The following NFATC2 variants were observed in gnomAD, a reference collection of about 807,000 sequenced individuals.
NFATC2 encodes nuclear factor of activated T-cells, cytoplasmic 2.
Under a neutral mutation model 87.3 loss-of-function variants are expected in NFATC2, and 22 were observed. The observed-to-expected ratio is 0.25, with a 90% CI of 0.18 to 0.36. NFATC2 has a LOEUF of 0.36. NFATC2 is among the 10% of genes least tolerant of loss of function. The probability of loss-of-function intolerance (pLI) is 1.00; values close to 1 mark genes in which losing one functional copy is unlikely to be tolerated. For synonymous variants in NFATC2, 565 were observed against 542.2 expected (o/e 1.04, Z -0.58); for missense variants, 1,149 against 1,259.1 (o/e 0.91, Z 1.32).
chr20:51,497,289 T>C (rs1480877255), intron 3 of NFATC2, among the ~76,000 whole-genome samples: 1 of 152,172 alleles, frequency 6.6e-6, no homozygotes, highest in African/African-American at 2.4e-5. Context: ...GGGCCAATCA[T>C]TCTTCTCCCT....
At chr20:51,500,458 A>T (rs148981637) in intron 3 of NFATC2, among the ~76,000 whole-genome samples, 2 of 152,102 alleles carry the variant, frequency 1.3e-5, no homozygotes, top group East Asian at 3.9e-4. Context: ...TACTTGGGTG[A>T]TACCTATTAC....
rs571362078 is a variant in NFATC2, at chr20:51,523,803, G to T, written c.438C>A (p.Ala146=). 1 of 1,608,996 alleles carries T rather than the reference G, an allele frequency of 6.2e-7. No individual in the cohort carries two copies. Among genetic ancestry groups the T allele is most frequent in the Non-Finnish European group, 8.5e-7 (1 of 1,177,660 alleles). Residue 146 remains alanine (A), a synonymous_variant, in exon 2 of 11, where the codon GCC becomes GCA. Coordinates refer to ENST00000371564, the MANE Select transcript of NFATC2 (RefSeq NM_012340.5). This position sits in a 1 kb window ranked among gnomAD's most constrained non-coding sequence, Gnocchi z 6.9. ...CGGGCAGGGTGAACCTCGGGCTGGC[G>T]GCCACCCCGGCCAGGGGCGGCTGCT... ...LVEQPPLAGV[A]ASPRFTLPVP...
chr20:51,550,667 G>T (rs969240112), intron 1 of NFATC2, among the ~76,000 whole-genome samples: 1 of 152,078 alleles, frequency 6.6e-6, no homozygotes, highest in Non-Finnish European at 1.5e-5. Context: ...CCATAGCTTA[G>T]TCTAGCCTAC....
At chr20:51,421,461 T>C (rs998321792) in intron 9 of NFATC2, among the ~76,000 whole-genome samples, 17 of 152,148 alleles carry the variant, frequency 1.1e-4, no homozygotes, top group African/African-American at 4.1e-4. Flanking sequence ...GAACCCTGAA[T>C]GAGTGAAATC....
chr20:51,415,410 C>T (rs139283152), intron 9 of NFATC2, among the ~76,000 whole-genome samples: 49 of 152,304 alleles, frequency 3.2e-4, no homozygotes, highest in African/African-American at 1.1e-3. Flanking sequence ...ACACACCACA[C>T]GCAGCAGGTA....
upstream of NFATC2, among the ~76,000 whole-genome samples, chr20:51,547,432 A>G (rs1423297331): frequency 6.6e-6 from 1 of 152,102 alleles, no homozygotes; most frequent in East Asian, 1.9e-4. Flanking sequence ...GCCTTCAAGA[A>G]GCTCCTCCTA....
chr20:51,556,304 G>GC (rs1568761471), intron 1 of NFATC2, among the ~76,000 whole-genome samples: 1 of 152,264 alleles, frequency 6.6e-6, no homozygotes, highest in East Asian at 1.9e-4. Context: ...GTGGTCATTT[G>GC]TTATAGCAGC....
intron 1 of NFATC2, among the ~76,000 whole-genome samples, chr20:51,554,350 C>T (rs538064415): frequency 6.6e-6 from 1 of 152,294 alleles, no homozygotes; most frequent in African/African-American, 2.4e-5. Flanking sequence ...ACCACCTCAC[C>T]AGGAGCTCTG....
rs1387051905 is a variant in NFATC2, at chr20:51,450,745, T to TGGCAGGCACAGGGCTGCC, written c.1849+3785_1849+3802dup. Reference sequence around the variant, plus strand: ...CTTAGATGAGACCACACACGGAAAGTGGCAGGCACAGGGCTGCCTGCAGAC... The same window carrying TGGCAGGCACAGGGCTGCC: ...CTTAGATGAGACCACACACGGAAAGTGGCAGGCACAGGGCTGCCGGCAGGCACAGGGCTGCCTGCAGAC... On this transcript the variant is annotated intron_variant, in intron 6 of 10. Coordinates refer to ENST00000371564, the MANE Select transcript of NFATC2 (RefSeq NM_012340.5). 3.3e-5 allele frequency among the ~76,000 whole-genome samples: 5 copies of TGGCAGGCACAGGGCTGCC among 152,306 alleles called. No homozygotes were observed. In the East Asian group the frequency reaches 9.6e-4, roughly 29 times the overall value.
intron 9 of NFATC2, 96 bp downstream of exon 9, chr20:51,431,971 A>G: frequency 7.7e-7 from 1 of 1,302,772 alleles, no homozygotes; most frequent in Admixed American, 2.4e-5. Context: ...AGGCCCAAAG[A>G]GATTACGGAA....
At chr20:51,396,303 G>A (rs1459114847) in intron 10 of NFATC2, among the ~76,000 whole-genome samples, 1 of 151,948 alleles carries the variant, frequency 6.6e-6, no homozygotes. Context: ...AGAGCTCAGA[G>A]GTTCCCAAAC....
intron 1 of NFATC2, among the ~76,000 whole-genome samples, chr20:51,530,693 C>T (rs1297420855): frequency 2.6e-5 from 4 of 152,146 alleles, no homozygotes; most frequent in East Asian, 1.9e-4. Context: ...CTCCATGTCA[C>T]GCACATGCTG....
At chr20:51,497,596 A>G (rs2146610530) in intron 3 of NFATC2, among the ~76,000 whole-genome samples, 1 of 152,262 alleles carries the variant, frequency 6.6e-6, no homozygotes, top group East Asian at 1.9e-4. Flanking sequence ...CCCCCATGAT[A>G]GACGTTCGCC....
At chr20:51,559,234 C>T (rs1205611378) in intron 1 of NFATC2, among the ~76,000 whole-genome samples, 1 of 152,206 alleles carries the variant, frequency 6.6e-6, no homozygotes, top group Non-Finnish European at 1.5e-5. Flanking sequence ...GCTTTCATTT[C>T]CCTGAGGGAA....
At chr20:51,407,163 T>TA (rs1267412375) in intron 9 of NFATC2, among the ~76,000 whole-genome samples, 1 of 152,184 alleles carries the variant, frequency 6.6e-6, no homozygotes, top group East Asian at 1.9e-4. Flanking sequence ...GCTCTTGCCT[T>TA]AGACGTTTGG....
intron 9 of NFATC2, among the ~76,000 whole-genome samples, chr20:51,426,176 G>A (rs962910059): frequency 6.6e-6 from 1 of 152,138 alleles, no homozygotes; most frequent in African/African-American, 2.4e-5. Flanking sequence ...AAGAAATCAA[G>A]GCAATTAAAT....
Position 51,435,275 on chromosome 20 carries a change from G to A in NFATC2, c.1945C>T (p.His649Tyr). Reference protein sequence around the residue: ...FVEIPEYRNKHIRTPVKVNFY... With the variant: ...FVEIPEYRNKYIRTPVKVNFY... ...TTCACTTTTACAGGTGTGCGGATAT[G>A]CTTGTTCCGATATTCAGGGATCTCA... The change falls in exon 8 of 11, where the codon CAT becomes TAT. Residue 649 changes from histidine to tyrosine, a missense_variant. By Grantham distance (83) the His-to-Tyr change is moderately conservative. This residue lies in a region of NFATC2 where 581 missense variants were observed against 649.7 expected (regional missense o/e 0.89). Transcript: ENST00000371564. 6.2e-7 allele frequency: 1 copy of A among 1,614,164 alleles called. No homozygotes were observed. The highest frequency in any genetic ancestry group is 8.5e-7 in the Non-Finnish European group (1 of 1,180,024).
rs777667094 is a variant in NFATC2 at position 51,391,470 on chromosome 20, G to A, written c.*45-19C>T. The A allele has an allele frequency of 2.1e-5, 28 of 1,362,246 alleles. 1 individual carries two copies. The South Asian group carries it at 2.6e-4, about 13-fold the overall frequency. The allele number at this position is 1,362,246 out of a possible 1,614,324, so 84.4% of individuals were successfully genotyped here. The stretch of plus-strand genomic sequence containing the variant: ...TCATTAACTACAAAAGAAAAGAGGA[G>A]GGGGGGGGAGAGAGAATGGGGCAAG... On this transcript the variant is annotated intron_variant, in intron 10 of 10. Coordinates refer to ENST00000371564, the MANE Select transcript of NFATC2 (RefSeq NM_012340.5).
At chr20:51,479,666 T>C (rs546867281) in intron 3 of NFATC2, among the ~76,000 whole-genome samples, 17 of 152,284 alleles carry the variant, frequency 1.1e-4, no homozygotes, top group African/African-American at 4.1e-4. Flanking sequence ...TGAAAGCATC[T>C]GTTTCCCTCA....
Sources: allele counts gnomAD v4.1 joint callset (sites outside exome capture counted in the v4.1 genomes callset), GRCh38; gene constraint gnomAD v4.1.1; regional missense constraint gnomAD v4.1.1; non-coding constraint Gnocchi (gnomAD v3.1); transcripts MANE v1.5; gene names NCBI Gene and HGNC (gene_info 2026-07-23, HGNC 2026-07-21).